The following POLA1 variants were observed in gnomAD, a reference collection of about 807,000 sequenced individuals.
POLA1 encodes the protein DNA polymerase alpha 1, catalytic subunit, also known as DNA polymerase alpha catalytic subunit.
POLA1 carries 15 observed loss-of-function variants against 124.0 expected under a neutral mutation model. That is an observed-to-expected ratio of 0.12 (90% CI 0.08 to 0.19). POLA1 has a LOEUF of 0.19. Among genes scored for constraint, POLA1 ranks in the 10% least tolerant of loss-of-function variants. The pLI, the probability that POLA1 is intolerant of heterozygous loss-of-function variation, is 1.00. For missense variants in POLA1, 886 were observed against 1,103.4 expected (o/e 0.80, Z 2.79); for synonymous variants, 408 against 389.4 (o/e 1.05, Z -0.56).
chrX:24,817,381 G>A (rs1003371543), intron 30 of POLA1, among the ~76,000 whole-genome samples: 26 of 110,459 alleles, frequency 2.4e-4, no homozygotes, highest in African/African-American at 8.2e-4. Context: ...AGGCTGAGGC[G>A]GGTGGATCAC....
chrX:24,933,012 T>G (rs981935813), intron 36 of POLA1, among the ~76,000 whole-genome samples: 1 of 111,708 alleles, frequency 9.0e-6, no homozygotes, highest in African/African-American at 3.3e-5. Flanking sequence ...TGGGGCATAT[T>G]AAAAACCCAA....
Position 24,716,912 on chromosome X carries a change from C to T in POLA1, c.647C>T (p.Pro216Leu), listed in dbSNP as rs976439902. 7 of 1,199,992 alleles carry T rather than the reference C, an allele frequency of 5.8e-6. No individual in the cohort carries two copies. The highest frequency in any genetic ancestry group is 7.9e-6 in the Non-Finnish European group (7 of 887,629). Residue 216 changes from proline (P) to leucine (L), a missense_variant, in exon 8 of 37, where the codon CCT becomes CTT. Transcript: ENST00000379068. ...GTTCCTTCAGGAAAAATTGCTTCCCCTGTCTCCAGAAAGGAGCCTCCATTA... is the reference window on the plus strand; with the variant it reads ...GTTCCTTCAGGAAAAATTGCTTCCCTTGTCTCCAGAAAGGAGCCTCCATTA... ...TAVPSGKIAS[P>L]VSRKEPPLTP...
intron 32 of POLA1, among the ~76,000 whole-genome samples, chrX:24,833,436 A>G (rs756737265): frequency 8.9e-6 from 1 of 112,321 alleles, no homozygotes; most frequent in Admixed American, 9.4e-5. Flanking sequence ...TTTCTGGATC[A>G]AATGGTAATT....
intron 35 of POLA1, among the ~76,000 whole-genome samples, chrX:24,893,322 G>T (rs989963111): frequency 1.8e-5 from 2 of 112,123 alleles, no homozygotes; most frequent in African/African-American, 6.5e-5. Flanking sequence ...CATATTTGAT[G>T]CAAAGAGATT....
At chrX:24,702,602 T>G (rs1056001384) in intron 2 of POLA1, among the ~76,000 whole-genome samples, 1 of 112,589 alleles carries the variant, frequency 8.9e-6, no homozygotes, top group African/African-American at 3.2e-5. Context: ...CTCTCTGGAC[T>G]TGCCTTTCAA....
At chrX:24,978,557 A>G (rs181136521) in intron 36 of POLA1, among the ~76,000 whole-genome samples, 1 of 112,193 alleles carries the variant, frequency 8.9e-6, no homozygotes, top group Non-Finnish European at 1.9e-5. Context: ...ACACTATTAT[A>G]AGCATGTTCT....
At chrX:24,883,230 T>C (rs1305237975) in intron 34 of POLA1, among the ~76,000 whole-genome samples, 1 of 112,321 alleles carries the variant, frequency 8.9e-6, no homozygotes, top group African/African-American at 3.2e-5. Flanking sequence ...AAGTTCCTTA[T>C]AGATTCTGGA....
At chrX:24,857,595 A>T (rs189676202) in intron 34 of POLA1, among the ~76,000 whole-genome samples, 47 of 111,544 alleles carry the variant, frequency 4.2e-4, no homozygotes, top group African/African-American at 1.5e-3. Context: ...TTTTCAGCTT[A>T]TGGGTCCTGT....
At chrX:24,852,132 A>G (rs1319243833) in intron 34 of POLA1, among the ~76,000 whole-genome samples, 1 of 111,787 alleles carries the variant, frequency 8.9e-6, no homozygotes, top group East Asian at 2.8e-4. Flanking sequence ...TGGAATAACC[A>G]TATTTCTGTT....
Position 24,699,472 on chromosome X carries a change from A to G in POLA1, c.91A>G (p.Lys31Glu). ...TGTATCTTCTCGAGCCCGGCGAGAA[A>G]AAAAATCAAAGAAGGGGCGCCAAGA... ...SFVSSRARRE[K>E]KSKKGRQEAL... Residue 31 changes from lysine to glutamate, a missense_variant, in exon 2 of 37, where the codon AAA becomes GAA. By Grantham distance (56) the Lys-to-Glu change is moderately conservative (BLOSUM62 1). This residue lies in a region of POLA1 where 49 missense variants were observed against 39.2 expected (regional missense o/e 1.25). Coordinates refer to ENST00000379068, the MANE Select transcript of POLA1 (RefSeq NM_001330360.2). 8.4e-7 allele frequency: 1 copy of G among 1,189,089 alleles called. No homozygotes were observed. The highest frequency in any genetic ancestry group is 1.1e-6 in the Non-Finnish European group (1 of 881,070).
chrX:24,928,760 G>A (rs11573481), intron 35 of POLA1, among the ~76,000 whole-genome samples: 42 of 111,895 alleles, frequency 3.8e-4, no homozygotes, highest in Admixed American at 2.9e-3. Context: ...AATCGCTGTC[G>A]TCCTCCTTTT....
At chrX:24,738,219 C>CCAA (rs1931414241) in intron 19 of POLA1, among the ~76,000 whole-genome samples, 1 of 11,237 alleles carries the variant, frequency 8.9e-5, no homozygotes. Flanking sequence ...GACTCCGTCT[C>CCAA]AAAAAAAAAA....
intron 36 of POLA1, among the ~76,000 whole-genome samples, chrX:24,974,864 C>T (rs1009225094): frequency 2.7e-5 from 3 of 112,344 alleles, no homozygotes; most frequent in Admixed American, 9.4e-5. Context: ...GCTGTGTGAG[C>T]GTGAGCTGGT....
chrX:24,834,996 G>C (rs1292549218), intron 32 of POLA1, among the ~76,000 whole-genome samples: 1 of 108,410 alleles, frequency 9.2e-6, no homozygotes, highest in Admixed American at 9.9e-5. Flanking sequence ...CTATTATTTT[G>C]AAGTATATCC....
chrX:24,723,906 C>G (rs140088703), intron 11 of POLA1, among the ~76,000 whole-genome samples: 309 of 112,382 alleles, frequency 2.7e-3, no homozygotes, highest in Non-Finnish European at 5.0e-3. Flanking sequence ...GTCTCAAACT[C>G]CTGACCTTGT....
intron 26 of POLA1, among the ~76,000 whole-genome samples, chrX:24,801,531 T>C (rs1282866074): frequency 8.9e-6 from 1 of 111,821 alleles, no homozygotes; most frequent in African/African-American, 3.3e-5. Flanking sequence ...TGTTGTGGTA[T>C]GCACAGAGTA....
chrX:24,731,815 T>C (rs1055137194), intron 15 of POLA1, among the ~76,000 whole-genome samples: 2 of 111,971 alleles, frequency 1.8e-5, no homozygotes, highest in African/African-American at 6.5e-5. Context: ...GGGTTTTGCT[T>C]CAAAATAATC....
intron 32 of POLA1, among the ~76,000 whole-genome samples, chrX:24,831,892 A>G: frequency 8.9e-6 from 1 of 111,974 alleles, no homozygotes; most frequent in Non-Finnish European, 1.9e-5. Context: ...AGTCTAGTCT[A>G]CTTTTGTATT....
At chrX:24,775,134 T>G (rs1017699222) in intron 26 of POLA1, 1 of 111,810 alleles carries the variant, frequency 8.9e-6, no homozygotes, top group African/African-American at 3.3e-5. Context: ...AGGAAAACTT[T>G]AGAGTGAAAG....
Sources: gnomAD v4.1 joint callset for allele counts (sites outside exome capture counted in the v4.1 genomes callset) on GRCh38, gnomAD v4.1.1 for gene constraint, gnomAD v4.1.1 regional missense constraint, MANE v1.5 for transcripts, NCBI Gene and HGNC (gene_info 2026-07-23, HGNC 2026-07-21) for gene names.